NDUFAF2: variants seen among roughly 807,000 people sequenced by gnomAD.
NDUFAF2 encodes the protein NADH:ubiquinone oxidoreductase complex assembly factor 2, also known as NADH dehydrogenase [ubiquinone] 1 alpha subcomplex assembly factor 2.
Under a neutral mutation model 22.8 loss-of-function variants are expected in NDUFAF2, and 13 were observed. The ratio of observed to expected loss-of-function variants is 0.57; its 90% CI spans 0.37 to 0.91. The LOEUF is 0.91. Ranked by LOEUF, NDUFAF2 falls within the 40% of genes least tolerant of loss-of-function variation. The pLI is 0.01. For missense variants in NDUFAF2, 162 were observed against 195.2 expected, an observed-to-expected ratio of 0.83 and a Z score of 1.01; for synonymous variants, 53 against 64.2, an observed-to-expected ratio of 0.83 and a Z score of 0.84.
chr5:60,946,190 A>C (rs1218713031), intron 1 of NDUFAF2, among the ~76,000 whole-genome samples: 1 of 152,168 alleles, frequency 6.6e-6, no homozygotes, highest in African/African-American at 2.4e-5. Context: ...CGCCGCATGC[A>C]GAAAATGTCA....
chr5:60,971,048 G>A (rs3101879), intron 1 of NDUFAF2, among the ~76,000 whole-genome samples: 102,063 of 151,694 alleles, frequency 0.67, 34,671 homozygotes, highest in East Asian at 0.94. Flanking sequence ...TTTATAATTT[G>A]TCTTTATTGT....
At chr5:60,995,573 G>A (rs1243362650) in intron 1 of NDUFAF2, among the ~76,000 whole-genome samples, 1 of 152,222 alleles carries the variant, frequency 6.6e-6, no homozygotes, top group Non-Finnish European at 1.5e-5. Context: ...AGCCAGGGGT[G>A]AAGTGCAACA....
At chr5:60,995,575 A>C (rs140113784) in intron 1 of NDUFAF2, among the ~76,000 whole-genome samples, 12 of 152,322 alleles carry the variant, frequency 7.9e-5, no homozygotes, top group African/African-American at 2.9e-4. Context: ...CCAGGGGTGA[A>C]GTGCAACAAG....
chr5:61,074,691 CA>C (rs1253772248), intron 2 of NDUFAF2, among the ~76,000 whole-genome samples: 1 of 152,120 alleles, frequency 6.6e-6, no homozygotes, highest in Admixed American at 6.6e-5. Flanking sequence ...ACCCGGGAGG[CA>C]GAGGTTGCAG....
At chr5:61,045,252 G>A (rs6449518) in intron 1 of NDUFAF2, among the ~76,000 whole-genome samples, 2,130 of 31,010 alleles carry the variant, frequency 0.069, 594 homozygotes, top group East Asian at 0.11. Flanking sequence ...ATAAAATAAA[G>A]TTTTATTAAA....
At chr5:61,058,227 T>C (rs1752123304) in intron 1 of NDUFAF2, among the ~76,000 whole-genome samples, 1 of 152,100 alleles carries the variant, frequency 6.6e-6, no homozygotes, top group Non-Finnish European at 1.5e-5. Context: ...ACTATAATTT[T>C]ATAATTCTCT....
At chr5:61,070,697 T>C (rs1166884729) in intron 1 of NDUFAF2, among the ~76,000 whole-genome samples, 1 of 151,870 alleles carries the variant, frequency 6.6e-6, no homozygotes, top group East Asian at 1.9e-4. Context: ...TACATGAAGT[T>C]GATCGACCTA....
At chr5:61,066,143 T>G (rs1022554534) in intron 1 of NDUFAF2, among the ~76,000 whole-genome samples, 14 of 151,998 alleles carry the variant, frequency 9.2e-5, no homozygotes, top group Non-Finnish European at 1.8e-4. Flanking sequence ...AGGAATAAAT[T>G]TAAGCAAGGA....
At chr5:61,097,165 G>T (rs973464663) in intron 2 of NDUFAF2, among the ~76,000 whole-genome samples, 12 of 151,346 alleles carry the variant, frequency 7.9e-5, no homozygotes, top group Admixed American at 7.2e-4. Flanking sequence ...ACCATTCAGT[G>T]CTGGGCTTTT....
intron 1 of NDUFAF2, among the ~76,000 whole-genome samples, chr5:61,025,134 A>T (rs541535330): frequency 4.3e-4 from 65 of 151,428 alleles, no homozygotes; most frequent in African/African-American, 1.5e-3. Context: ...ATGTTTTAAT[A>T]TTTTTTTTTC....
At chr5:61,103,393 C>CT (rs1164498429) in intron 3 of NDUFAF2, among the ~76,000 whole-genome samples, 5 of 151,844 alleles carry the variant, frequency 3.3e-5, no homozygotes, top group African/African-American at 1.2e-4. Context: ...TTTTCCTCAC[C>CT]TTTTTTTCCC....
chr5:60,968,478 C>T (rs990040840), intron 1 of NDUFAF2, among the ~76,000 whole-genome samples: 2 of 151,470 alleles, frequency 1.3e-5, no homozygotes, highest in South Asian at 2.1e-4. Context: ...CTTAAATTTT[C>T]GTCATAGAAC....
At chr5:61,101,762 G>C (rs1752707936) in intron 3 of NDUFAF2, among the ~76,000 whole-genome samples, 1 of 152,120 alleles carries the variant, frequency 6.6e-6, no homozygotes, top group East Asian at 1.9e-4. Flanking sequence ...GTGGAATTTA[G>C]TGAGCAAAAC....
chr5:61,124,166 G>T (rs900566820), intron 3 of NDUFAF2, among the ~76,000 whole-genome samples: 10 of 151,714 alleles, frequency 6.6e-5, no homozygotes. Flanking sequence ...GACAGATGGT[G>T]CAAAGGACAT....
At chr5:61,137,039 A>G (rs992882272) in intron 3 of NDUFAF2, among the ~76,000 whole-genome samples, 3 of 152,208 alleles carry the variant, frequency 2.0e-5, no homozygotes, top group African/African-American at 7.2e-5. Flanking sequence ...AATATTTACT[A>G]CTTTTACCAA....
rs117933918 is a variant in NDUFAF2, at chr5:61,032,815, C to T, written c.128-40310C>T. Among the ~76,000 whole-genome samples, 73 of 152,026 alleles carry T rather than the reference C, an allele frequency of 4.8e-4. No individual in the cohort carries two copies. In the East Asian group the frequency reaches 0.014, roughly 29 times the overall value. ...CATTGAATCTGTATAAATTTTGGGACACTACTGCCCATTAATGGGATTACT... is the reference window on the plus strand; with the variant it reads ...CATTGAATCTGTATAAATTTTGGGATACTACTGCCCATTAATGGGATTACT... On this transcript the variant is annotated intron_variant, in intron 1 of 3. Coordinates refer to ENST00000296597, the MANE Select transcript of NDUFAF2 (RefSeq NM_174889.5).
chr5:61,060,787 C>T lies in NDUFAF2; in HGVS notation c.128-12338C>T, dbSNP rs1314007600. On this transcript the variant is annotated intron_variant, in intron 1 of 3. Coordinates refer to ENST00000296597, the MANE Select transcript of NDUFAF2 (RefSeq NM_174889.5). ...GTAGACAACTGGTTGAAAACTATCACCAAGAATTATATATGCTTGTGGGTT... is the reference window on the plus strand; with the variant it reads ...GTAGACAACTGGTTGAAAACTATCATCAAGAATTATATATGCTTGTGGGTT... Among the ~76,000 whole-genome samples the T allele has an allele frequency of 2.0e-5, 3 of 152,122 alleles. No individual in the cohort carries two copies. In the East Asian group the frequency reaches 5.8e-4, roughly 29 times the overall value.
chr5:61,042,515 GATAAACTA>G (rs1250008264), intron 1 of NDUFAF2, among the ~76,000 whole-genome samples: 3 of 152,112 alleles, frequency 2.0e-5, no homozygotes, highest in African/African-American at 7.2e-5. Flanking sequence ...TCTGAGAAAG[GATAAACTA>G]ATAAAGAGGG....
chr5:60,961,791 A>G (rs996720318), intron 1 of NDUFAF2, among the ~76,000 whole-genome samples: 3 of 151,156 alleles, frequency 2.0e-5, no homozygotes, highest in East Asian at 3.9e-4. Context: ...AAAATTTACT[A>G]TGTAATTGCA....
Sources: allele counts gnomAD v4.1 joint callset (sites outside exome capture counted in the v4.1 genomes callset), GRCh38; gene constraint gnomAD v4.1.1; transcripts MANE v1.5; gene names NCBI Gene and HGNC (gene_info 2026-07-23, HGNC 2026-07-21).